The following CACNA1C variants were observed in gnomAD, a reference collection of about 807,000 sequenced individuals.
CACNA1C encodes calcium voltage-gated channel subunit alpha1 C.
Under a neutral mutation model 229.0 loss-of-function variants are expected in CACNA1C, and 30 were observed. The ratio of observed to expected loss-of-function variants is 0.13; its 90% CI spans 0.10 to 0.18. The LOEUF is 0.18. Ranked by LOEUF, CACNA1C falls within the 10% of genes least tolerant of loss-of-function variation. The pLI, the probability that CACNA1C is intolerant of heterozygous loss-of-function variation, is 1.00. For missense variants in CACNA1C, 1,658 were observed against 2,845.0 expected (o/e 0.58, Z 9.49); for synonymous variants, 1,114 against 1,132.5 (o/e 0.98, Z 0.33).
chr12:2,402,722 A>T (rs1202141701), intron 3 of CACNA1C, among the ~76,000 whole-genome samples: 1 of 152,210 alleles, frequency 6.6e-6, no homozygotes, highest in Non-Finnish European at 1.5e-5. Flanking sequence ...TTCAGCTTTC[A>T]TCCTCCGAAC....
chr12:2,018,982 G>A (rs3803160), intron 1 of CACNA1C, among the ~76,000 whole-genome samples: 5,327 of 152,162 alleles, frequency 0.035, 173 homozygotes, highest in African/African-American at 0.088. Context: ...ATCTAATGAG[G>A]GAGCAAAATG....
intron 5 of CACNA1C, among the ~76,000 whole-genome samples, chr12:2,459,307 G>A (rs536411724): frequency 5.3e-5 from 8 of 151,674 alleles, no homozygotes; most frequent in Middle Eastern, 3.4e-3. Flanking sequence ...GAGCCACTGC[G>A]CCCGGCCAAT....
At chr12:2,335,826 G>C (rs1340440612) in intron 3 of CACNA1C, among the ~76,000 whole-genome samples, 3 of 152,138 alleles carry the variant, frequency 2.0e-5, no homozygotes, top group African/African-American at 7.2e-5. Flanking sequence ...GAAGAAAGTT[G>C]TTGTGACTTT....
At chr12:2,158,817 G>A (rs2095681838) in intron 3 of CACNA1C, among the ~76,000 whole-genome samples, 1 of 152,218 alleles carries the variant, frequency 6.6e-6, no homozygotes, top group African/African-American at 2.4e-5. Flanking sequence ...TCACCATGAG[G>A]AGGGAGTAAA....
rs1362089279 is a variant in CACNA1C at position 2,487,519 on chromosome 12, A to G, written c.916+1257A>G. On this transcript the variant is annotated intron_variant, in intron 6 of 46. Transcript: ENST00000399655. ...TCTACATAGCCACAGTCCTAAAAAC[A>G]AAACAAAACAAAAAACCACACACAC... Among the ~76,000 whole-genome samples, 5 of 150,820 alleles carry G rather than the reference A, an allele frequency of 3.3e-5. No homozygotes were observed. In the East Asian group the frequency reaches 9.7e-4, roughly 29 times the overall value.
chr12:2,259,530 G>A (rs1336312586), intron 3 of CACNA1C, among the ~76,000 whole-genome samples: 3 of 152,218 alleles, frequency 2.0e-5, no homozygotes, highest in Non-Finnish European at 4.4e-5. Flanking sequence ...TTGCAAGGGG[G>A]AGCTAAGAGC....
At chr12:2,220,723 A>G (rs1228277358) in intron 3 of CACNA1C, 1 of 152,176 alleles carries the variant, frequency 6.6e-6, no homozygotes, top group African/African-American at 2.4e-5. Context: ...GGTTAGCGCA[A>G]TACTAAAATT....
At chr12:2,210,947 G>A (rs985627757) in intron 3 of CACNA1C, among the ~76,000 whole-genome samples, 3 of 152,184 alleles carry the variant, frequency 2.0e-5, no homozygotes, top group African/African-American at 7.2e-5. Context: ...AGGTGGGCAA[G>A]CTGGGATTAT....
At chr12:2,120,239 C>G in intron 2 of CACNA1C, 86 bp from the exon 3 acceptor site, 1 of 802,714 alleles carries the variant, frequency 1.2e-6, no homozygotes, top group Non-Finnish European at 2.2e-6. Flanking sequence ...TCTTATGAAT[C>G]TTTGATTCAT....
chr12:2,491,616 A>G (rs1211243420), intron 6 of CACNA1C, among the ~76,000 whole-genome samples: 1 of 150,906 alleles, frequency 6.6e-6, no homozygotes, highest in African/African-American at 2.4e-5. Flanking sequence ...TGGGAGAGAA[A>G]GAGAGGAGAG....
chr12:2,231,112 T>C (rs2064987561), intron 3 of CACNA1C, among the ~76,000 whole-genome samples: 1 of 152,238 alleles, frequency 6.6e-6, no homozygotes, highest in African/African-American at 2.4e-5. Flanking sequence ...TGTGAGCACC[T>C]GCCAGGCAGC....
At position 2,633,576 on chromosome 12, in the gene CACNA1C, G is replaced by C; in HGVS notation, c.3829-721G>C. 9.9e-7 allele frequency: 1 copy of C among 1,010,704 alleles called. No individual in the cohort carries two copies. The highest frequency in any genetic ancestry group is 1.7e-5 in the Admixed American group (1 of 58,832). 62.6% of individuals were successfully genotyped at this position (1,010,704 alleles called of 1,614,324 possible). On this transcript the variant is annotated intron_variant, in intron 29 of 46. Transcript: ENST00000399655. This position sits in a 1 kb window ranked among gnomAD's most constrained non-coding sequence, Gnocchi z 5.8. ...CTGATGGTGGTGTTGCTCTGTTCTT[G>C]TCTGTCTAATATTCCTTTTTAATCC... is the stretch of plus-strand genomic sequence containing the variant.
At chr12:2,084,097 G>T (rs2154060004) in intron 1 of CACNA1C, among the ~76,000 whole-genome samples, 1 of 152,312 alleles carries the variant, frequency 6.6e-6, no homozygotes, top group African/African-American at 2.4e-5. Context: ...TGATGATGGT[G>T]ATAGTTGATT....
intron 3 of CACNA1C, among the ~76,000 whole-genome samples, chr12:2,380,551 C>A (rs564073912): frequency 1.7e-3 from 257 of 152,286 alleles, no homozygotes; most frequent in African/African-American, 5.9e-3. Flanking sequence ...CCGGTACTGA[C>A]CTCTTCTGAT....
chr12:2,495,410 C>A (rs2099744664), intron 7 of CACNA1C, among the ~76,000 whole-genome samples: 1 of 152,156 alleles, frequency 6.6e-6, no homozygotes, highest in Admixed American at 6.5e-5. Flanking sequence ...CATTCCATGG[C>A]ATCAAACTGA....
chr12:2,166,947 A>T (rs1039247714), intron 3 of CACNA1C, among the ~76,000 whole-genome samples: 38 of 152,220 alleles, frequency 2.5e-4, no homozygotes, highest in African/African-American at 8.4e-4. Flanking sequence ...CAGACGTAGT[A>T]ACAGAAAAAG....
rs1391903167 is a variant in CACNA1C at position 2,067,749 on chromosome 12, C to T, written c.49+14138C>T. ...CCTGCACTGTTAACCTCAGTCAGGG[C>T]GCAACGGTAGAAAGGAGGAGTGATG... On this transcript the variant is annotated intron_variant, in intron 1 of 46. Coordinates refer to ENST00000399655, the MANE Select transcript of CACNA1C (RefSeq NM_000719.7). This position sits in a 1 kb window ranked among gnomAD's most constrained non-coding sequence, Gnocchi z 5.3. Among the ~76,000 whole-genome samples, 6 of 152,134 alleles carry T rather than the reference C, an allele frequency of 3.9e-5. No individual in the cohort carries two copies. Among genetic ancestry groups the T allele is most frequent in the African/African-American group, 7.2e-5 (3 of 41,474 alleles).
At position 2,053,244 on chromosome 12, in the gene CACNA1C, C is replaced by T. The variant is rs767723351; in HGVS notation, c.-319C>T. On this transcript the variant is annotated 5_prime_UTR_variant, in exon 1 of 47. Transcript: ENST00000399655. The surrounding 1 kb of genome is among the most constrained non-coding windows in gnomAD (Gnocchi z 5.8). ...CTCCGCCTCTTCTCGCCCTGCCTCT[C>T]CCGATTTATTTTTTCAAATGGTGTA... is the stretch of plus-strand genomic sequence containing the variant. The T allele has an allele frequency of 1.9e-6, 2 of 1,048,986 alleles. No homozygotes were observed. The highest frequency in any genetic ancestry group is 3.4e-5 in the African/African-American group (2 of 59,192). 65.0% of individuals were successfully genotyped at this position (1,048,986 alleles called of 1,614,324 possible). A position where few individuals can be genotyped will look rare whatever the true frequency, so the allele number is the denominator to read the frequency against.
At chr12:2,024,463 T>C (rs1049443370) in intron 1 of CACNA1C, among the ~76,000 whole-genome samples, 1 of 152,206 alleles carries the variant, frequency 6.6e-6, no homozygotes, top group African/African-American at 2.4e-5. Context: ...TTCTGTGTTG[T>C]TGCTCCTGCC....
Sources: allele counts gnomAD v4.1 joint callset (sites outside exome capture counted in the v4.1 genomes callset), GRCh38; gene constraint gnomAD v4.1.1; non-coding constraint Gnocchi (gnomAD v3.1); transcripts MANE v1.5; gene names NCBI Gene and HGNC (gene_info 2026-07-23, HGNC 2026-07-21).